The following CEMIP variants were observed in gnomAD, a reference collection of about 807,000 sequenced individuals.
CEMIP encodes the protein cell migration inducing hyaluronidase 1.
Under a neutral mutation model 156.9 loss-of-function variants are expected in CEMIP, and 105 were observed. The ratio of observed to expected loss-of-function variants is 0.67; its 90% CI spans 0.57 to 0.79. The LOEUF is 0.79. Among genes scored for constraint, CEMIP ranks in the 30% least tolerant of loss-of-function variants. CEMIP has a pLI of 0.00. For missense variants in CEMIP, 1,457 were observed against 1,769.4 expected, an observed-to-expected ratio of 0.82 and a Z score of 3.17; for synonymous variants, 676 against 668.4, an observed-to-expected ratio of 1.01 and a Z score of -0.17.
At chr15:80,921,704 T>TC (rs1283295033) in intron 16 of CEMIP, among the ~76,000 whole-genome samples, 9 of 152,064 alleles carry the variant, frequency 5.9e-5, no homozygotes, top group Non-Finnish European at 5.9e-5. Context: ...ACTCATGAAA[T>TC]CCCCCCATTG....
At chr15:80,919,442 G>C (rs768179147) in intron 14 of CEMIP, among the ~76,000 whole-genome samples, 78 of 152,138 alleles carry the variant, frequency 5.1e-4, no homozygotes, top group Non-Finnish European at 7.5e-4. Flanking sequence ...ACCTTCTCAC[G>C]TATGATATCT....
At chr15:80,845,772 T>C (rs1165305954) in intron 1 of CEMIP, among the ~76,000 whole-genome samples, 1 of 152,174 alleles carries the variant, frequency 6.6e-6, no homozygotes, top group Non-Finnish European at 1.5e-5. Flanking sequence ...TGGAAAATCC[T>C]GTCAGTGAGC....
chr15:80,814,965 C>A (rs1896758692), intron 1 of CEMIP, among the ~76,000 whole-genome samples: 2 of 152,194 alleles, frequency 1.3e-5, no homozygotes, highest in South Asian at 2.1e-4. Flanking sequence ...GGATTATAGA[C>A]ATGAGCCACT....
intron 3 of CEMIP, among the ~76,000 whole-genome samples, chr15:80,876,699 A>G (rs992027669): frequency 6.6e-6 from 1 of 152,080 alleles, no homozygotes; most frequent in African/African-American, 2.4e-5. Flanking sequence ...CTGCCTTCCA[A>G]TGGGCAAAGA....
chr15:80,926,040 C>T (rs1900653554), intron 19 of CEMIP, among the ~76,000 whole-genome samples: 1 of 152,182 alleles, frequency 6.6e-6, no homozygotes, highest in South Asian at 2.1e-4. Flanking sequence ...GTCATGCGGA[C>T]CATCAGCTAA....
At chr15:80,921,353 C>T (rs939890585) in intron 16 of CEMIP, among the ~76,000 whole-genome samples, 9 of 152,172 alleles carry the variant, frequency 5.9e-5, no homozygotes, top group African/African-American at 1.7e-4. Flanking sequence ...GAACACTGAA[C>T]GCTTTATGTA....
At chr15:80,870,066 G>A (rs185499716) in intron 1 of CEMIP, among the ~76,000 whole-genome samples, 8 of 152,258 alleles carry the variant, frequency 5.3e-5, no homozygotes, top group South Asian at 2.1e-4. Context: ...TCATCCCAGC[G>A]TTACAGACTT....
At chr15:80,878,616 G>GCTAA in intron 3 of CEMIP, 105 bp from the exon 4 acceptor site, 1 of 1,443,000 alleles carries the variant, frequency 6.9e-7, no homozygotes, top group Non-Finnish European at 9.6e-7. Flanking sequence ...TAACAGAGAG[G>GCTAA]AGGTAGGGGC....
intron 10 of CEMIP, among the ~76,000 whole-genome samples, chr15:80,893,323 T>C (rs1348686117): frequency 6.6e-6 from 1 of 152,152 alleles, no homozygotes; most frequent in Admixed American, 6.5e-5. Context: ...AAGATCTCTT[T>C]CTCTGAATGA....
intron 7 of CEMIP, among the ~76,000 whole-genome samples, chr15:80,886,499 G>A (rs1898845727): frequency 6.6e-6 from 1 of 152,148 alleles, no homozygotes; most frequent in Non-Finnish European, 1.5e-5. Context: ...AATAATGAGA[G>A]CTATTCAGCA....
chr15:80,838,973 G>A (rs1897326368), intron 1 of CEMIP, among the ~76,000 whole-genome samples: 1 of 152,158 alleles, frequency 6.6e-6, no homozygotes, highest in African/African-American at 2.4e-5. Context: ...AGGTATTAGG[G>A]GGTTTAAGTC....
chr15:80,792,866 A>C (rs1233576363), intron 1 of CEMIP, among the ~76,000 whole-genome samples: 2 of 152,128 alleles, frequency 1.3e-5, no homozygotes, highest in African/African-American at 4.8e-5. Flanking sequence ...CATCTCAGTC[A>C]CCATTGTATC....
chr15:80,829,996 G>GTGTGTGTT, intron 1 of CEMIP, among the ~76,000 whole-genome samples: 1 of 118,374 alleles, frequency 8.4e-6, no homozygotes, highest in Non-Finnish European at 1.9e-5. Context: ...GTGTGTGTGT[G>GTGTGTGTT]TGTGTGCGCG....
rs757071791 is a variant in CEMIP at position 80,909,191 on chromosome 15, T to A, written c.1682T>A (p.Leu561Gln). The change falls in exon 14 of 30, where the codon CTG becomes CAG. Residue 561 changes from leucine (L) to glutamine (Q), a missense_variant. Physicochemically the swap from Leu to Gln is moderately radical, Grantham distance 113. Coordinates refer to ENST00000394685, the MANE Select transcript of CEMIP (RefSeq NM_001293298.2). ...LVGQYPIHFH[L>Q]AGDVDERGGY... ...GGTCAGTACCCGATTCACTTCCACC[T>A]GGCCGGTGATGTAGACGAAAGGGGA... 2 of 1,614,146 alleles carry A rather than the reference T, an allele frequency of 1.2e-6. No homozygotes were observed. Among genetic ancestry groups the A allele is most frequent in the Non-Finnish European group, 8.5e-7 (1 of 1,180,018 alleles).
rs1370334148 is a variant in CEMIP, at chr15:80,951,421, C to CTGTT, written c.*2501_*2504dup. The CTGTT allele has an allele frequency of 2.0e-5, 3 of 152,522 alleles. No homozygotes were observed. The highest frequency in any genetic ancestry group is 7.2e-5 in the African/African-American group (3 of 41,426). The allele number at this position is 152,522 out of a possible 1,614,324, so 9.4% of individuals were successfully genotyped here. On this transcript the variant is annotated 3_prime_UTR_variant, in exon 30 of 30. Transcript: ENST00000394685. ...TAGAAAATTGTCCTCCTTGTTATTTCTGTTTGTAAGACTTAAGTGAGTTAG... is the reference window on the plus strand; with the variant it reads ...TAGAAAATTGTCCTCCTTGTTATTTCTGTTTGTTTGTAAGACTTAAGTGAGTTAG...
rs1898942925 is a variant in CEMIP, at chr15:80,888,943, T to G, written c.964+147T>G. ...CAACTAAAAATGTGCAACCAAAAGT[T>G]GTCTTTAATTAGACAAGCCACTTTA... is the stretch of plus-strand genomic sequence containing the variant. On this transcript the variant is annotated intron_variant, in intron 9 of 29. Coordinates refer to ENST00000394685, the MANE Select transcript of CEMIP (RefSeq NM_001293298.2). The G allele has an allele frequency of 3.9e-6, 3 of 769,980 alleles. No homozygotes were observed. In the South Asian group the frequency reaches 4.4e-5, roughly 11 times the overall value. 47.7% of individuals were successfully genotyped at this position (769,980 alleles called of 1,614,324 possible). A position where few individuals can be genotyped will look rare whatever the true frequency, so the allele number is the denominator to read the frequency against.
At chr15:80,897,634 GC>G (rs1315545700) in intron 12 of CEMIP, among the ~76,000 whole-genome samples, 3 of 152,190 alleles carry the variant, frequency 2.0e-5, no homozygotes, top group Admixed American at 2.0e-4. Flanking sequence ...AACAGAGTCT[GC>G]TTTTTTAATT....
In CEMIP at chr15:80,879,858, C is replaced by T. The variant is rs775544852; in HGVS notation, c.380+4C>T. On this transcript the variant is annotated splice_donor_region_variant and intron_variant, in intron 5 of 29. Coordinates refer to ENST00000394685, the MANE Select transcript of CEMIP (RefSeq NM_001293298.2). ...TCACCATCATTTTGTATGGAAGGTG[C>T]GTAGACCACTCCTACAGATCAAATG... The T allele has an allele frequency of 1.2e-5, 19 of 1,613,946 alleles. No homozygotes were observed. The highest frequency in any genetic ancestry group is 2.2e-5 in the South Asian group (2 of 91,062).
intron 3 of CEMIP, among the ~76,000 whole-genome samples, chr15:80,876,446 T>C (rs557864668): frequency 1.3e-5 from 2 of 152,374 alleles, no homozygotes; most frequent in African/African-American, 4.8e-5. Context: ...TTTCCTTTTG[T>C]TGCCACTGCT....
Sources: gnomAD v4.1 joint callset for allele counts (sites outside exome capture counted in the v4.1 genomes callset) on GRCh38, gnomAD v4.1.1 for gene constraint, MANE v1.5 for transcripts, NCBI Gene and HGNC (gene_info 2026-07-23, HGNC 2026-07-21) for gene names.